Variants in PTPN13 observed in about 807,000 individuals in gnomAD.
PTPN13 encodes the protein protein tyrosine phosphatase non-receptor type 13, also known as tyrosine-protein phosphatase non-receptor type 13.
In PTPN13, 191 loss-of-function variants were observed where a neutral mutation model predicts 284.0. The ratio of observed to expected loss-of-function variants is 0.67; its 90% CI spans 0.60 to 0.76. The LOEUF (loss-of-function observed/expected upper bound fraction) is 0.76, where lower values mean the gene tolerates loss of function less well. Ranked by LOEUF, PTPN13 falls within the 30% of genes least tolerant of loss-of-function variation. The pLI, the probability that PTPN13 is intolerant of heterozygous loss-of-function variation, is 0.00. For missense variants in PTPN13, 2,797 were observed against 2,939.9 expected (o/e 0.95, Z 1.12); for synonymous variants, 986 against 1,022.3 (o/e 0.96, Z 0.68).
intron 37 of PTPN13, among the ~76,000 whole-genome samples, chr4:86,783,583 A>G (rs1320192112): frequency 3.3e-5 from 5 of 152,052 alleles, no homozygotes; most frequent in South Asian, 2.1e-4. Flanking sequence ...GCTAATATCT[A>G]TACTATTAAT....
At chr4:86,735,479 G>T (rs1039091789) in intron 14 of PTPN13, 115 bp from the exon 15 acceptor site, 10 of 1,047,678 alleles carry the variant, frequency 9.5e-6, no homozygotes, top group Non-Finnish European at 1.4e-5. Context: ...CAGAGAGAGA[G>T]GTAGAAATAG....
At chr4:86,739,185 G>C (rs1735870814) in intron 15 of PTPN13, among the ~76,000 whole-genome samples, 2 of 152,120 alleles carry the variant, frequency 1.3e-5, no homozygotes, top group African/African-American at 4.8e-5. Flanking sequence ...TGAAGTAAGG[G>C]TTGAAATTCA....
At chr4:86,732,537 T>C in intron 11 of PTPN13, 55 bp from the exon 12 acceptor site, 1 of 1,595,012 alleles carries the variant, frequency 6.3e-7, no homozygotes, top group Non-Finnish European at 8.6e-7. Flanking sequence ...TAAAAACCAG[T>C]TAAAATTCTT....
At chr4:86,647,264 G>A (rs1301366600) in intron 2 of PTPN13, among the ~76,000 whole-genome samples, 1 of 152,040 alleles carries the variant, frequency 6.6e-6, no homozygotes, top group East Asian at 1.9e-4. Context: ...TAACGAAAAG[G>A]AATATCAAAC....
At chr4:86,651,709 T>G (rs1037721529) in intron 2 of PTPN13, among the ~76,000 whole-genome samples, 1 of 152,284 alleles carries the variant, frequency 6.6e-6, no homozygotes, top group African/African-American at 2.4e-5. Flanking sequence ...TCACTCTTGG[T>G]TGGGTGTATA....
rs189227087 is a variant in PTPN13 at position 86,808,470 on chromosome 4, C to T, written c.7083+573C>T. On this transcript the variant is annotated intron_variant, in intron 45 of 47. Transcript: ENST00000411767. Reference sequence around the variant, plus strand: ...CTGTGTTCTCCCTCACCTTACTACACGCCTGTGCACAGTATCCTAGCTAGA... The same window carrying T: ...CTGTGTTCTCCCTCACCTTACTACATGCCTGTGCACAGTATCCTAGCTAGA... 4.1e-3 allele frequency among the ~76,000 whole-genome samples: 625 copies of T among 152,328 alleles called. 4 individuals carry two copies. The highest frequency in any genetic ancestry group is 0.018 in the Admixed American group (276 of 15,304).
chr4:86,721,803 A>T (rs945818606), intron 9 of PTPN13, among the ~76,000 whole-genome samples: 1 of 142,846 alleles, frequency 7.0e-6, no homozygotes, highest in Non-Finnish European at 1.5e-5. Flanking sequence ...CAGTAATACC[A>T]TCCCAGCTCA....
chr4:86,781,162 G>C (rs1053112498), intron 36 of PTPN13, among the ~76,000 whole-genome samples: 2 of 152,072 alleles, frequency 1.3e-5, no homozygotes, highest in African/African-American at 4.8e-5. Flanking sequence ...CTAAAGACTT[G>C]TCTATAAAAA....
intron 2 of PTPN13, among the ~76,000 whole-genome samples, chr4:86,669,215 T>G (rs1395573665): frequency 6.7e-6 from 1 of 149,518 alleles, no homozygotes; most frequent in African/African-American, 2.4e-5. Flanking sequence ...CTTGTATTTA[T>G]GTATGTATTA....
At chr4:86,731,881 A>T (rs1170137547) in intron 10 of PTPN13, among the ~76,000 whole-genome samples, 1 of 152,128 alleles carries the variant, frequency 6.6e-6, no homozygotes, top group African/African-American at 2.4e-5. Flanking sequence ...GCCTCAAGCG[A>T]TCCTCCTGCC....
chr4:86,611,078 G>A (rs962161027), intron 1 of PTPN13, among the ~76,000 whole-genome samples: 1 of 152,168 alleles, frequency 6.6e-6, no homozygotes. Context: ...TCATTGTCAA[G>A]TTCTGCTATT....
At chr4:86,793,036 A>C (rs1297616156) in intron 40 of PTPN13, among the ~76,000 whole-genome samples, 1 of 152,206 alleles carries the variant, frequency 6.6e-6, no homozygotes, top group East Asian at 1.9e-4. Context: ...GTATGGGCTA[A>C]ATGCCCCAAT....
At chr4:86,672,566 TG>T (rs1727830052) in intron 3 of PTPN13, 23 bp downstream of exon 3, 2 of 1,557,280 alleles carry the variant, frequency 1.3e-6, no homozygotes, top group Non-Finnish European at 8.7e-7. Context: ...TTTTTTTGTT[TG>T]TTTTTTTATT....
At chr4:86,734,990 C>T (rs979155587) in intron 14 of PTPN13, 115 bp downstream of exon 14, 2 of 1,192,096 alleles carry the variant, frequency 1.7e-6, no homozygotes, top group African/African-American at 1.5e-5. Flanking sequence ...ATTTTTGAGG[C>T]TTCTTTGGTT....
chr4:86,619,524 T>C (rs745868367), intron 1 of PTPN13, among the ~76,000 whole-genome samples: 5 of 152,192 alleles, frequency 3.3e-5, no homozygotes, highest in Non-Finnish European at 7.3e-5. Flanking sequence ...TCTTCAGGCC[T>C]TTCATTTCTT....
chr4:86,740,237 A>G (rs933389365), intron 15 of PTPN13, among the ~76,000 whole-genome samples: 1 of 152,162 alleles, frequency 6.6e-6, no homozygotes, highest in East Asian at 1.9e-4. Flanking sequence ...CTACTGCCCT[A>G]TCACAGGTTC....
chr4:86,647,693 C>T (rs1272890070), intron 2 of PTPN13, among the ~76,000 whole-genome samples: 1 of 151,946 alleles, frequency 6.6e-6, no homozygotes. Context: ...TTTCAAAGAC[C>T]TTATAATGTT....
At chr4:86,662,991 G>C (rs1439694450) in intron 2 of PTPN13, among the ~76,000 whole-genome samples, 1 of 152,054 alleles carries the variant, frequency 6.6e-6, no homozygotes, top group Non-Finnish European at 1.5e-5. Context: ...CTCCAGCCTG[G>C]GTGACAGAGT....
rs751196788 is a variant in PTPN13, at chr4:86,618,723, CTGTT to C, written c.-5-16525_-5-16522del. Among the ~76,000 whole-genome samples the C allele has an allele frequency of 3.9e-5, 6 of 152,260 alleles. No homozygotes were observed. In the South Asian group the frequency reaches 8.3e-4, roughly 21 times the overall value. The stretch of plus-strand genomic sequence containing the variant: ...GGGAGTTCACTTATGATTTGGCTCT[CTGTT>C]TGTCTGTTATTGATGTATAAGAATA... On this transcript the variant is annotated intron_variant, in intron 1 of 47. Transcript: ENST00000411767.
Sources: gnomAD v4.1 joint callset for allele counts (sites outside exome capture counted in the v4.1 genomes callset) on GRCh38, gnomAD v4.1.1 for gene constraint, MANE v1.5 for transcripts, NCBI Gene and HGNC (gene_info 2026-07-23, HGNC 2026-07-21) for gene names.